SPIRE1: variants seen among roughly 807,000 people sequenced by gnomAD.
SPIRE1 encodes the protein spire type actin nucleation factor 1, also known as protein spire homolog 1.
In SPIRE1, 40 loss-of-function variants were observed where a neutral mutation model predicts 94.1. That is an observed-to-expected ratio of 0.43 (90% CI 0.33 to 0.55). The LOEUF (loss-of-function observed/expected upper bound fraction) is 0.55. SPIRE1 is among the 20% of genes least tolerant of loss of function. The probability of loss-of-function intolerance (pLI) is 0.06; values close to 1 mark genes in which losing one functional copy is unlikely to be tolerated. For synonymous variants in SPIRE1, 376 were observed against 371.7 expected (o/e 1.01, Z -0.13); for missense variants, 838 against 975.2 (o/e 0.86, Z 1.87).
chr18:12,642,060 G>A (rs939875906), intron 1 of SPIRE1, among the ~76,000 whole-genome samples: 1 of 152,144 alleles, frequency 6.6e-6, no homozygotes, highest in Middle Eastern at 3.4e-3. Context: ...TCAATCTCCT[G>A]ACCTTGTGAT....
chr18:12,638,839 C>T (rs1472917134), intron 1 of SPIRE1, among the ~76,000 whole-genome samples: 1 of 152,124 alleles, frequency 6.6e-6, no homozygotes, highest in African/African-American at 2.4e-5. Flanking sequence ...CTCCAGCCAT[C>T]CAGGACGTGC....
intron 12 of SPIRE1, among the ~76,000 whole-genome samples, chr18:12,461,587 A>ATACATACATGTGTGTATATGTATGTATG (rs752073495): frequency 7.5e-4 from 111 of 147,516 alleles, no homozygotes; most frequent in Middle Eastern, 3.5e-3. Context: ...ACATATGTAT[A>ATACATACATGTGTGTATATGTATGTATG]TACATACATA....
At chr18:12,660,049 C>T (rs1011017069), upstream of SPIRE1, among the ~76,000 whole-genome samples, 6 of 152,146 alleles carry the variant, frequency 3.9e-5, no homozygotes, top group Admixed American at 2.6e-4. Flanking sequence ...ACCTCCTGGC[C>T]TTATGGGATA....
intron 10 of SPIRE1, among the ~76,000 whole-genome samples, chr18:12,466,879 C>T (rs908653731): frequency 1.3e-5 from 2 of 152,082 alleles, no homozygotes; most frequent in Non-Finnish European, 2.9e-5. Context: ...ACTGGCCTCA[C>T]CTAAAACCTA....
chr18:12,614,138 T>TTAG (rs1250799878), intron 2 of SPIRE1, among the ~76,000 whole-genome samples: 2 of 152,070 alleles, frequency 1.3e-5, no homozygotes, highest in Non-Finnish European at 2.9e-5. Flanking sequence ...CACACACCTG[T>TTAG]TAGTCCTAGC....
At chr18:12,594,480 T>C (rs2036619303) in intron 2 of SPIRE1, among the ~76,000 whole-genome samples, 2 of 152,208 alleles carry the variant, frequency 1.3e-5, no homozygotes, top group South Asian at 2.1e-4. Context: ...TGTACTAAGC[T>C]AGGTAGTTGA....
At chr18:12,519,920 A>G in intron 4 of SPIRE1, among the ~76,000 whole-genome samples, 1 of 152,214 alleles carries the variant, frequency 6.6e-6, no homozygotes, top group East Asian at 1.9e-4. Flanking sequence ...TTGACCCAGC[A>G]AGTCTACTTC....
chr18:12,650,518 G>T (rs1332701708), intron 1 of SPIRE1, among the ~76,000 whole-genome samples: 1 of 151,984 alleles, frequency 6.6e-6, no homozygotes, highest in African/African-American at 2.4e-5. Context: ...AGACCATCCT[G>T]GCTAATATGG....
Position 12,446,661 on chromosome 18 carries a change from A to G in SPIRE1, c.*2977T>C, listed in dbSNP as rs1353015646. 1 of 152,230 alleles carries G rather than the reference A, an allele frequency of 6.6e-6. No individual in the cohort carries two copies. Among genetic ancestry groups the G allele is most frequent in the Non-Finnish European group, 1.5e-5 (1 of 68,054 alleles). The allele number at this position is 152,230 out of a possible 1,614,324, so 9.4% of individuals were successfully genotyped here. On this transcript the variant is annotated 3_prime_UTR_variant, in exon 17 of 17. Coordinates refer to ENST00000409402, the MANE Select transcript of SPIRE1 (RefSeq NM_001128626.2). ...CTAGTAAAAGCCCCGTCAGTAGTACACATTTCTCTATGGTCCTTCAACAGT... is the reference window on the plus strand; with the variant it reads ...CTAGTAAAAGCCCCGTCAGTAGTACGCATTTCTCTATGGTCCTTCAACAGT...
At chr18:12,477,423 T>G (rs1193093398) in intron 10 of SPIRE1, among the ~76,000 whole-genome samples, 1 of 152,200 alleles carries the variant, frequency 6.6e-6, no homozygotes, top group Non-Finnish European at 1.5e-5. Context: ...GAATTGGAGC[T>G]CTGTCTAGAT....
At chr18:12,612,028 C>T (rs753355256) in intron 2 of SPIRE1, among the ~76,000 whole-genome samples, 8 of 151,994 alleles carry the variant, frequency 5.3e-5, no homozygotes, top group Non-Finnish European at 1.0e-4. Context: ...CAAAAAAATG[C>T]CTCAGTAACT....
At chr18:12,529,938 T>G (rs2144160087) in intron 4 of SPIRE1, among the ~76,000 whole-genome samples, 1 of 152,372 alleles carries the variant, frequency 6.6e-6, no homozygotes, top group South Asian at 2.1e-4. Flanking sequence ...ATTTATTCTG[T>G]ACAAGGATTT....
rs763843659 is a variant in SPIRE1 at position 12,449,652 on chromosome 18, T to C, written c.2257A>G (p.Ile753Val). Residue 753 changes from isoleucine to valine, a missense_variant, in exon 17 of 17, where the codon ATC becomes GTC. Coordinates refer to ENST00000409402, the MANE Select transcript of SPIRE1 (RefSeq NM_001128626.2). ...AGGCACGAGGCTCAGATCTCACTGATCGTCCTCTCTGAAGGGCAGTACTCC... is the reference window on the plus strand; with the variant it reads ...AGGCACGAGGCTCAGATCTCACTGACCGTCCTCTCTGAAGGGCAGTACTCC... ...PSEYCPSERT[I>V]SEI is the part of the protein sequence containing the mutation. 6.2e-7 allele frequency: 1 copy of C among 1,614,090 alleles called. No individual in the cohort carries two copies.
At chr18:12,454,198 T>G in intron 13 of SPIRE1, 148 bp downstream of exon 13, 1 of 895,290 alleles carries the variant, frequency 1.1e-6, no homozygotes, top group Non-Finnish European at 1.7e-6. Context: ...AGACAGCACA[T>G]GTACTGTCTA....
chr18:12,472,832 G>A (rs1032377185), intron 10 of SPIRE1, among the ~76,000 whole-genome samples: 1 of 151,502 alleles, frequency 6.6e-6, no homozygotes, highest in African/African-American at 2.4e-5. Flanking sequence ...TCACTCTGTC[G>A]CCCAGGCTGG....
At chr18:12,540,651 C>T (rs1454879780) in intron 3 of SPIRE1, among the ~76,000 whole-genome samples, 2 of 152,200 alleles carry the variant, frequency 1.3e-5, no homozygotes, top group East Asian at 3.9e-4. Flanking sequence ...GCTGGGATTA[C>T]AGGCGTGAGC....
chr18:12,547,299 T>C lies in SPIRE1; in HGVS notation c.373-395A>G, dbSNP rs144797488. ...AACAACAAAAATCTATTCATATCCA[T>C]GTATACACACTTCTCTAGTTCCATT... On this transcript the variant is annotated intron_variant, in intron 2 of 16. Coordinates refer to ENST00000409402, the MANE Select transcript of SPIRE1 (RefSeq NM_001128626.2). 2.3e-3 allele frequency among the ~76,000 whole-genome samples: 344 copies of C among 152,330 alleles called. 2 individuals are homozygous for C. Among genetic ancestry groups the C allele is most frequent in the African/African-American group, 7.9e-3 (328 of 41,574 alleles).
chr18:12,634,916 CAA>C (rs1339565771), intron 2 of SPIRE1, 144 bp downstream of exon 2: 6 of 506,866 alleles, frequency 1.2e-5, no homozygotes, highest in African/African-American at 9.0e-5. Flanking sequence ...GCCTGGGCGA[CAA>C]GAGCAAAAGT....
intron 2 of SPIRE1, among the ~76,000 whole-genome samples, chr18:12,548,688 T>G (rs1354103466): frequency 1.3e-5 from 2 of 151,576 alleles, no homozygotes; most frequent in Non-Finnish European, 2.9e-5. Context: ...TACGGCTCAC[T>G]GCAGCTTCAA....
Sources: allele counts gnomAD v4.1 joint callset (sites outside exome capture counted in the v4.1 genomes callset), GRCh38; gene constraint gnomAD v4.1.1; transcripts MANE v1.5; gene names NCBI Gene and HGNC (gene_info 2026-07-23, HGNC 2026-07-21).